KCNQ5: variants seen among roughly 807,000 people sequenced by gnomAD.
KCNQ5 encodes potassium voltage-gated channel subfamily Q member 5.
KCNQ5 carries 30 observed loss-of-function variants against 98.2 expected under a neutral mutation model. That is an observed-to-expected ratio of 0.31 (90% CI 0.23 to 0.41). The LOEUF (loss-of-function observed/expected upper bound fraction) is 0.41. Among genes scored for constraint, KCNQ5 ranks in the 10% least tolerant of loss-of-function variants. KCNQ5 has a pLI of 1.00. For synonymous variants in KCNQ5, 458 were observed against 449.4 expected, an observed-to-expected ratio of 1.02 and a Z score of -0.24; for missense variants, 835 against 1,182.5, an observed-to-expected ratio of 0.71 and a Z score of 4.31.
chr6:73,020,542 C>T (rs1253206513), intron 2 of KCNQ5, among the ~76,000 whole-genome samples: 3 of 152,054 alleles, frequency 2.0e-5, no homozygotes, highest in Admixed American at 2.0e-4. Context: ...ATGGAGGGTG[C>T]TTCATTACAT....
chr6:73,067,888 AT>A (rs1562159079), intron 3 of KCNQ5, among the ~76,000 whole-genome samples: 72 of 1,312 alleles, frequency 0.055, no homozygotes, highest in Admixed American at 0.062. Context: ...ATATATATAT[AT>A]ATATATATAT....
At chr6:72,987,340 G>A (rs1768832948) in intron 1 of KCNQ5, 5 of 715,194 alleles carry the variant, frequency 7.0e-6, no homozygotes, top group East Asian at 3.0e-5. Context: ...GACCAGGTGA[G>A]GCGAAAGGCC....
At chr6:73,149,805 AAAGAGAG>A (rs1202436907) in intron 10 of KCNQ5, among the ~76,000 whole-genome samples, 20 of 143,910 alleles carry the variant, frequency 1.4e-4, no homozygotes, top group African/African-American at 5.5e-4. Context: ...AAAAAAAAAA[AAAGAGAG>A]AGAGAGAGAG....
intron 1 of KCNQ5, among the ~76,000 whole-genome samples, chr6:72,889,953 G>A (rs1778995705): frequency 6.6e-6 from 1 of 152,130 alleles, no homozygotes; most frequent in Non-Finnish European, 1.5e-5. Flanking sequence ...TAGGGTACAA[G>A]GCAGAGAGAA....
intron 1 of KCNQ5, among the ~76,000 whole-genome samples, chr6:72,705,813 A>G (rs1192405656): frequency 1.3e-5 from 2 of 152,070 alleles, no homozygotes; most frequent in African/African-American, 4.8e-5. Flanking sequence ...TTGTATTGTT[A>G]TAATGTTGAC....
intron 8 of KCNQ5, among the ~76,000 whole-genome samples, chr6:73,122,503 A>G (rs552748960): frequency 2.8e-4 from 43 of 152,288 alleles, no homozygotes; most frequent in African/African-American, 1.0e-3. Context: ...CTCATGTCCT[A>G]CTGTGCCTTT....
rs540942037 is a variant in KCNQ5 at position 72,762,721 on chromosome 6, G to C, written c.398+140134G>C. Among the ~76,000 whole-genome samples, 5 of 152,190 alleles carry C rather than the reference G, an allele frequency of 3.3e-5. No individual in the cohort carries two copies. The South Asian group carries it at 6.2e-4, about 19-fold the overall frequency. On this transcript the variant is annotated intron_variant, in intron 1 of 13. Transcript: ENST00000370398. ...TGAGAAGAGGATGATAGTGTGTTGT[G>C]ATTAAATGAGTAAGTAATACTTATA...
At position 73,124,522 on chromosome 6, in the gene KCNQ5, T is replaced by A; in HGVS notation, c.1247+10T>A. 1 of 1,612,984 alleles carries A rather than the reference T, an allele frequency of 6.2e-7. No homozygotes were observed. Among genetic ancestry groups the A allele is most frequent in the African/African-American group, 1.3e-5 (1 of 75,032 alleles). On this transcript the variant is annotated intron_variant, in intron 9 of 13. Transcript: ENST00000370398. Reference sequence around the variant, plus strand: ...GGGAAGCATCAAGCAGGTTTGTGATTTCTCTCTTGCTACATGTTTGTTTAT... The same window carrying A: ...GGGAAGCATCAAGCAGGTTTGTGATATCTCTCTTGCTACATGTTTGTTTAT...
At chr6:73,159,992 T>G (rs1238874436) in intron 10 of KCNQ5, among the ~76,000 whole-genome samples, 4 of 132,550 alleles carry the variant, frequency 3.0e-5, no homozygotes, top group Non-Finnish European at 6.5e-5. Flanking sequence ...GCTATGGTTT[T>G]TTTTGTTTGT....
intron 10 of KCNQ5, among the ~76,000 whole-genome samples, chr6:73,148,476 A>C (rs78139688): frequency 2.4e-4 from 37 of 152,354 alleles, no homozygotes; most frequent in Non-Finnish European, 1.2e-4. Flanking sequence ...GAACAAACAC[A>C]ATGAAAAATC....
At chr6:72,762,428 T>A (rs989715373) in intron 1 of KCNQ5, among the ~76,000 whole-genome samples, 1 of 151,144 alleles carries the variant, frequency 6.6e-6, no homozygotes, top group South Asian at 2.1e-4. Flanking sequence ...AAAAAAAAAA[T>A]AGAATACGTT....
chr6:72,789,603 A>G (rs1477931576), intron 1 of KCNQ5, among the ~76,000 whole-genome samples: 2 of 152,244 alleles, frequency 1.3e-5, no homozygotes, highest in African/African-American at 4.8e-5. Flanking sequence ...AGAATTAAGT[A>G]TACTTCATGT....
intron 10 of KCNQ5, among the ~76,000 whole-genome samples, chr6:73,139,047 C>T (rs543606136): frequency 1.6e-4 from 24 of 152,340 alleles, no homozygotes; most frequent in Middle Eastern, 3.4e-3. Context: ...CTTCATTTCT[C>T]TGATTCTCTG....
chr6:72,966,594 G>C (rs1429570428), intron 1 of KCNQ5, among the ~76,000 whole-genome samples: 1 of 151,372 alleles, frequency 6.6e-6, no homozygotes, highest in East Asian at 1.9e-4. Context: ...AAAAGAGAGA[G>C]AGAAAAAAAA....
chr6:73,184,602 C>A (rs1400382331), intron 11 of KCNQ5, among the ~76,000 whole-genome samples: 1 of 152,204 alleles, frequency 6.6e-6, no homozygotes, highest in African/African-American at 2.4e-5. Context: ...GTAAAGAGCA[C>A]AGTTCCTGGC....
chr6:73,060,857 C>G (rs771522749), intron 3 of KCNQ5, among the ~76,000 whole-genome samples: 12 of 152,254 alleles, frequency 7.9e-5, no homozygotes, highest in Non-Finnish European at 1.6e-4. Context: ...TGCAGTTTGA[C>G]CACACACTTT....
At chr6:73,006,016 TCTTTTA>T (rs1451550308) in intron 2 of KCNQ5, among the ~76,000 whole-genome samples, 1 of 152,238 alleles carries the variant, frequency 6.6e-6, no homozygotes, top group Non-Finnish European at 1.5e-5. Context: ...TCAAATACTG[TCTTTTA>T]CTTTTTCTTT....
At chr6:72,910,868 A>T (rs1028998010) in intron 1 of KCNQ5, among the ~76,000 whole-genome samples, 3 of 152,158 alleles carry the variant, frequency 2.0e-5, no homozygotes, top group African/African-American at 4.8e-5. Flanking sequence ...TATCAGCTTC[A>T]TATCAGCTGA....
chr6:73,187,525 A>C (rs1765418952), intron 11 of KCNQ5, among the ~76,000 whole-genome samples: 1 of 152,198 alleles, frequency 6.6e-6, no homozygotes, highest in Admixed American at 6.5e-5. Context: ...TCTGTAAGTA[A>C]AGCACTGGAA....
Sources: allele counts gnomAD v4.1 joint callset (sites outside exome capture counted in the v4.1 genomes callset), GRCh38; gene constraint gnomAD v4.1.1; transcripts MANE v1.5; gene names NCBI Gene and HGNC (gene_info 2026-07-23, HGNC 2026-07-21).